Variants in POC1A observed in about 807,000 individuals in gnomAD.
POC1A encodes POC1 centriolar protein homolog A.
POC1A carries 34 observed loss-of-function variants against 47.8 expected under a neutral mutation model. The observed-to-expected ratio is 0.71, with a 90% CI of 0.54 to 0.95. POC1A has a LOEUF of 0.95. Ranked by LOEUF, POC1A falls within the 40% of genes least tolerant of loss-of-function variation. The pLI is 0.00. For missense variants in POC1A, 466 were observed against 528.3 expected, an observed-to-expected ratio of 0.88 and a Z score of 1.16; for synonymous variants, 177 against 207.6, an observed-to-expected ratio of 0.85 and a Z score of 1.27.
chr3:52,154,358 G>A lies in POC1A; in HGVS notation c.15C>T (p.Cys5=), dbSNP rs1328561021. 6.5e-7 allele frequency: 1 copy of A among 1,538,328 alleles called. No homozygotes were observed. The highest frequency in any genetic ancestry group is 1.2e-5 in the South Asian group (1 of 83,656). Residue 5 remains cysteine (C), a synonymous_variant, in exon 1 of 11, where the codon TGC becomes TGT. Transcript: ENST00000296484. MAAP[C]AEDPSLERHF... is the part of the protein sequence containing the mutation. Reference sequence around the variant, plus strand: ...AGTTGCTCTCGGCTGGGCTTACCGCGCAGGGCGCAGCCATGGCGGGGCTGG... The same window carrying A: ...AGTTGCTCTCGGCTGGGCTTACCGCACAGGGCGCAGCCATGGCGGGGCTGG...
In POC1A at chr3:52,148,575, C is replaced by T. The variant is rs148015798; in HGVS notation, c.455+635G>A. On this transcript the variant is annotated intron_variant, in intron 4 of 10. Coordinates refer to ENST00000296484, the MANE Select transcript of POC1A (RefSeq NM_015426.5). ...GAAAGGTCCTTTGGGTTACCTGGCC[C>T]GCTGTCTGCACAGCACTGGCTCCCT... Among the ~76,000 whole-genome samples the T allele has an allele frequency of 6.6e-3, 1,012 of 152,362 alleles. 8 individuals are homozygous for T. The highest frequency in any genetic ancestry group is 7.3e-3 in the Non-Finnish European group (497 of 68,030).
At chr3:52,096,314 C>T (rs1353220238) in intron 10 of POC1A, among the ~76,000 whole-genome samples, 5 of 152,240 alleles carry the variant, frequency 3.3e-5, no homozygotes, top group African/African-American at 2.4e-5. Context: ...TGGCCCAGGC[C>T]AGCTCTAGGT....
rs142456750 is a variant in POC1A at position 52,139,325 on chromosome 3, C to A, written c.680-1023G>T. Among the ~76,000 whole-genome samples, 599 of 152,296 alleles carry A rather than the reference C, an allele frequency of 3.9e-3. 3 individuals are homozygous for A. The highest frequency in any genetic ancestry group is 0.014 in the African/African-American group (564 of 41,542). On this transcript the variant is annotated intron_variant, in intron 6 of 10. Transcript: ENST00000296484. ...TGCAACTCAAGGTCCTGCCACTTCA[C>A]CCACTCAACAGCTTGGCCCTGTCCA...
intron 9 of POC1A, among the ~76,000 whole-genome samples, chr3:52,112,484 T>A (rs905002246): frequency 6.6e-6 from 1 of 151,966 alleles, no homozygotes; most frequent in Non-Finnish European, 1.5e-5. Context: ...ACTAAAAAAG[T>A]ACAAAAAATT....
rs143298849 is a variant in POC1A, at chr3:52,109,962, C to G, written c.981+12417G>C. Among the ~76,000 whole-genome samples, 138 of 152,266 alleles carry G rather than the reference C, an allele frequency of 9.1e-4. 1 individual carries two copies. Among genetic ancestry groups the G allele is most frequent in the African/African-American group, 3.1e-3 (129 of 41,542 alleles). Reference sequence around the variant, plus strand: ...ATCTAGGCATGCAGACTCTACCACCCTCTGTTGCCCTGCCACTGCCCACAC... The same window carrying G: ...ATCTAGGCATGCAGACTCTACCACCGTCTGTTGCCCTGCCACTGCCCACAC... On this transcript the variant is annotated intron_variant, in intron 9 of 10. Coordinates refer to ENST00000296484, the MANE Select transcript of POC1A (RefSeq NM_015426.5).
In POC1A at chr3:52,154,420, G is replaced by A. The variant is rs778815204; in HGVS notation, c.-48C>T. ...GCAGCTGCGGTGGCCGTTGCGGCCC[G>A]TTCAGTTTCCGCGCCCCCAACGGCC... On this transcript the variant is annotated 5_prime_UTR_variant, in exon 1 of 11. In the 5' UTR this introduces an upstream ATG that the reference lacks. Transcript: ENST00000296484. 5.0e-6 allele frequency: 7 copies of A among 1,401,464 alleles called. No individual in the cohort carries two copies. Among genetic ancestry groups the A allele is most frequent in the Middle Eastern group, 2.5e-4 (1 of 4,002 alleles). The allele number at this position is 1,401,464 out of a possible 1,614,324, so 86.8% of individuals were successfully genotyped here. A position where few individuals can be genotyped will look rare whatever the true frequency, so the allele number is the denominator to read the frequency against.
intron 1 of POC1A, among the ~76,000 whole-genome samples, chr3:52,153,948 T>C (rs1698637104): frequency 6.6e-6 from 1 of 152,234 alleles, no homozygotes; most frequent in Admixed American, 6.5e-5. Context: ...GGCCCGGGCA[T>C]CCCAGCGTCC....
intron 6 of POC1A, among the ~76,000 whole-genome samples, chr3:52,144,696 T>C (rs1329614799): frequency 6.6e-6 from 1 of 152,196 alleles, no homozygotes; most frequent in Admixed American, 6.5e-5. Context: ...TCAAATGACC[T>C]GCCCAATATC....
intron 6 of POC1A, among the ~76,000 whole-genome samples, chr3:52,143,346 C>T (rs1698259877): frequency 6.6e-6 from 1 of 152,050 alleles, no homozygotes; most frequent in African/African-American, 2.4e-5. Context: ...AAGCCTGCTC[C>T]CTCCAGGTCC....
At chr3:52,143,911 C>T (rs1698280773) in intron 6 of POC1A, among the ~76,000 whole-genome samples, 1 of 152,200 alleles carries the variant, frequency 6.6e-6, no homozygotes, top group African/African-American at 2.4e-5. Flanking sequence ...CCAAGGGGTA[C>T]CTGCTGTTAT....
intron 9 of POC1A, among the ~76,000 whole-genome samples, chr3:52,110,213 C>T (rs1193210361): frequency 6.6e-6 from 1 of 152,188 alleles, no homozygotes; most frequent in Non-Finnish European, 1.5e-5. Context: ...CCCAGCCCTC[C>T]AGGGAGAAAA....
Position 52,147,038 on chromosome 3 carries a change from C to T in POC1A, c.513G>A (p.Leu171=). 6.2e-7 allele frequency: 1 copy of T among 1,614,212 alleles called. No homozygotes were observed. Among genetic ancestry groups the T allele is most frequent in the Non-Finnish European group, 8.5e-7 (1 of 1,180,040 alleles). ...CACATTCCCGGCTGCTCTTGTCCCA[C>T]AGCTTAACAGTCTTGTCATCACTGG... ...VSASDDKTVK[L]WDKSSRECVH... is the part of the protein sequence containing the mutation. The change falls in exon 5 of 11, where the codon CTG becomes CTA. Residue 171 remains leucine, a synonymous_variant. Transcript: ENST00000296484.
At chr3:52,125,038 C>T (rs1284810205) in intron 8 of POC1A, 75 bp downstream of exon 8, 3 of 1,191,328 alleles carry the variant, frequency 2.5e-6, no homozygotes, top group Non-Finnish European at 3.7e-6. Context: ...ATCCCCCAAA[C>T]ACCCTGTTTG....
chr3:52,111,491 A>G (rs1703379883), intron 9 of POC1A, among the ~76,000 whole-genome samples: 1 of 152,108 alleles, frequency 6.6e-6, no homozygotes, highest in Admixed American at 6.5e-5. Context: ...TACTAAAAAT[A>G]CAAAAATTAG....
At chr3:52,153,132 C>T (rs1234226247) in intron 1 of POC1A, among the ~76,000 whole-genome samples, 1 of 152,180 alleles carries the variant, frequency 6.6e-6, no homozygotes, top group East Asian at 1.9e-4. Flanking sequence ...CTAAAAACTA[C>T]TGAAATGTAC....
At chr3:52,123,856 C>A (rs959784142) in intron 8 of POC1A, among the ~76,000 whole-genome samples, 2 of 152,240 alleles carry the variant, frequency 1.3e-5, no homozygotes, top group African/African-American at 4.8e-5. Context: ...ACTCTATTTA[C>A]TGTGTGAAGT....
Position 52,079,942 on chromosome 3 carries a change from G to T in POC1A, c.1126-3957C>A, listed in dbSNP as rs1177616773. On this transcript the variant is annotated intron_variant, in intron 10 of 10. Coordinates refer to ENST00000296484, the MANE Select transcript of POC1A (RefSeq NM_015426.5). This position sits in a 1 kb window ranked among gnomAD's most constrained non-coding sequence, Gnocchi z 4.6. The stretch of plus-strand genomic sequence containing the variant: ...ACATTCTTAAGTCCTCCATGTAATT[G>T]GGGTGTGGAGCTTAAACATGAGGGG... Among the ~76,000 whole-genome samples the T allele has an allele frequency of 2.0e-5, 3 of 152,162 alleles. No individual in the cohort carries two copies. Among genetic ancestry groups the T allele is most frequent in the African/African-American group, 7.2e-5 (3 of 41,418 alleles).
chr3:52,091,608 C>T (rs1702650749), intron 10 of POC1A, among the ~76,000 whole-genome samples: 1 of 152,118 alleles, frequency 6.6e-6, no homozygotes, highest in Admixed American at 6.5e-5. Context: ...TTCTTTCTCC[C>T]CTCTCTTATC....
intron 10 of POC1A, among the ~76,000 whole-genome samples, chr3:52,086,886 C>T (rs1359409041): frequency 6.6e-6 from 1 of 152,246 alleles, no homozygotes; most frequent in Non-Finnish European, 1.5e-5. Flanking sequence ...TAGACAGCAC[C>T]TGGTACACAG....
Sources: allele counts gnomAD v4.1 joint callset (sites outside exome capture counted in the v4.1 genomes callset), GRCh38; gene constraint gnomAD v4.1.1; non-coding constraint Gnocchi (gnomAD v3.1); transcripts MANE v1.5; gene names NCBI Gene and HGNC (gene_info 2026-07-23, HGNC 2026-07-21).